The following AHRR variants were observed in gnomAD, a reference collection of about 807,000 sequenced individuals.
The protein encoded by AHRR is ahR repressor.
Under a neutral mutation model 44.0 loss-of-function variants are expected in AHRR, and 28 were observed. That is an observed-to-expected ratio of 0.64 (90% confidence interval 0.47 to 0.87). The LOEUF (loss-of-function observed/expected upper bound fraction) is 0.87, where lower values mean the gene tolerates loss of function less well. AHRR is among the 40% of genes least tolerant of loss of function. The pLI is 0.00. For missense variants in AHRR, 990 were observed against 953.9 expected, an observed-to-expected ratio of 1.04 and a Z score of -0.50; for synonymous variants, 434 against 407.0, an observed-to-expected ratio of 1.07 and a Z score of -0.80.
intron 4 of AHRR, among the ~76,000 whole-genome samples, chr5:398,753 G>A (rs1027069050): frequency 6.6e-6 from 1 of 152,218 alleles, no homozygotes; most frequent in Admixed American, 6.5e-5. Flanking sequence ...CTGTGAGAAG[G>A]GCTGGGCTGG....
intron 8 of AHRR, among the ~76,000 whole-genome samples, chr5:429,576 C>T (rs746426518): frequency 6.6e-6 from 1 of 152,246 alleles, no homozygotes; most frequent in South Asian, 2.1e-4. Context: ...GACTTGTCCT[C>T]GGCCCCTCGG....
chr5:366,990 A>G (rs535555554), intron 3 of AHRR, among the ~76,000 whole-genome samples: 1 of 152,324 alleles, frequency 6.6e-6, no homozygotes, highest in East Asian at 1.9e-4. Context: ...GGCTGAAAGG[A>G]TGTTATTGGG....
intron 4 of AHRR, among the ~76,000 whole-genome samples, chr5:412,880 C>A (rs1370769512): frequency 6.6e-6 from 1 of 152,026 alleles, no homozygotes; most frequent in Non-Finnish European, 1.5e-5. Flanking sequence ...ACCACCACAC[C>A]CGGCTAATTT....
intron 4 of AHRR, among the ~76,000 whole-genome samples, chr5:396,291 C>T (rs1734703062): frequency 2.0e-5 from 3 of 152,172 alleles, no homozygotes; most frequent in African/African-American, 7.2e-5. Flanking sequence ...GTGGGGACAG[C>T]AGGCTGGGAG....
At chr5:431,224 C>T (rs1317650975) in intron 8 of AHRR, among the ~76,000 whole-genome samples, 1 of 152,060 alleles carries the variant, frequency 6.6e-6, no homozygotes, top group African/African-American at 2.4e-5. Context: ...ATCACAAGCT[C>T]AGGTGTGGGG....
intron 3 of AHRR, among the ~76,000 whole-genome samples, chr5:365,843 T>C (rs1743342864): frequency 6.6e-6 from 1 of 152,196 alleles, no homozygotes. Flanking sequence ...CGTAGGACCA[T>C]TAAAGAAATT....
At position 432,619 on chromosome 5, in the gene AHRR, T is replaced by A. The variant is rs1736781720; in HGVS notation, c.970+95T>A. On this transcript the variant is annotated intron_variant, in intron 9 of 10. Transcript: ENST00000684583. ...CCCGCCCAGTGGAGATGTTGGCGTA[T>A]TCCATGGAAAAGCCATTTTGCAGAG... is the stretch of plus-strand genomic sequence containing the variant. 3 of 1,531,708 alleles carry A rather than the reference T, an allele frequency of 2.0e-6. No individual in the cohort carries two copies. The Admixed American group carries it at 5.1e-5, about 26-fold the overall frequency. 94.9% of individuals were successfully genotyped at this position (1,531,708 alleles called of 1,614,324 possible).
rs1192007428 is a variant in AHRR, at chr5:427,993, A to G, written c.895A>G (p.Thr299Ala). The change falls in exon 8 of 11, where the codon ACC (threonine) becomes GCC (alanine). Residue 299 changes from threonine to alanine, a missense_variant. Transcript: ENST00000684583. ...AAAACCCAGAGCAGACACCGCAGCC[A>G]CCGCGGATGCAAAGTGAGTAAGACT... ...RAKPRADTAA[T>A]ADAKVKATTS... is the part of the protein sequence containing the mutation. 1.6e-5 allele frequency: 26 copies of G among 1,613,652 alleles called. No individual in the cohort carries two copies. The highest frequency in any genetic ancestry group is 2.2e-5 in the Non-Finnish European group (26 of 1,179,976).
At chr5:409,596 C>T (rs377742403) in intron 4 of AHRR, among the ~76,000 whole-genome samples, 2 of 152,182 alleles carry the variant, frequency 1.3e-5, no homozygotes, top group East Asian at 1.9e-4. Context: ...GTATGATGGG[C>T]GTTACTCTAT....
intron 8 of AHRR, among the ~76,000 whole-genome samples, chr5:431,337 C>T (rs1429575942): frequency 6.6e-6 from 1 of 152,240 alleles, no homozygotes; most frequent in Non-Finnish European, 1.5e-5. Flanking sequence ...ACAACTTCAG[C>T]TCAACAAACA....
rs1460874632 is a variant in AHRR at position 322,102 on chromosome 5, G to A, written c.-11+283G>A. On this transcript the variant is annotated intron_variant, in intron 1 of 10. Transcript: ENST00000684583. Reference sequence around the variant, plus strand: ...AGAGTGTTCTGAGCCTTCACTCCCCGGGCGTTCCGTGCGGGCCGCGCTCCC... The same window carrying A: ...AGAGTGTTCTGAGCCTTCACTCCCCAGGCGTTCCGTGCGGGCCGCGCTCCC... Among the ~76,000 whole-genome samples the A allele has an allele frequency of 1.2e-4, 18 of 152,054 alleles. No homozygotes were observed. In the East Asian group the frequency reaches 3.3e-3, roughly 28 times the overall value.
chr5:344,082 G>C, intron 2 of AHRR, 118 bp downstream of exon 2: 3 of 1,099,850 alleles, frequency 2.7e-6, no homozygotes, highest in Non-Finnish European at 3.8e-6. Context: ...TTCGGGAGCC[G>C]GGCGGGCCGG....
intron 7 of AHRR, 63 bp downstream of exon 7, chr5:424,040 G>A: frequency 6.4e-7 from 1 of 1,553,170 alleles, no homozygotes; most frequent in African/African-American, 1.4e-5. Flanking sequence ...CCCTGGTGTG[G>A]AAGGAAACAG....
At chr5:433,084 C>A in intron 10 of AHRR, 137 bp downstream of exon 10, 1 of 1,099,560 alleles carries the variant, frequency 9.1e-7, no homozygotes, top group Non-Finnish European at 1.3e-6. Context: ...CGAGCCACAG[C>A]TAACCTTACT....
chr5:433,904 A>G lies in AHRR; in HGVS notation c.1164A>G (p.Thr388=). The G allele has an allele frequency of 4.0e-6, 6 of 1,518,894 alleles. No homozygotes were observed. Among genetic ancestry groups the G allele is most frequent in the Non-Finnish European group, 5.3e-6 (6 of 1,135,182 alleles). 94.1% of individuals were successfully genotyped at this position (1,518,894 alleles called of 1,614,324 possible). Residue 388 remains threonine (T), a synonymous_variant, in exon 11 of 11, where the codon ACA becomes ACG. Transcript: ENST00000684583. Reference sequence around the variant, plus strand: ...TGCTGAGCAGGGCCTCTGGAGTGACAGGGCGGAGGGAGACTCCAGGACCCA... The same window carrying G: ...TGCTGAGCAGGGCCTCTGGAGTGACGGGGCGGAGGGAGACTCCAGGACCCA... The part of the protein sequence containing the change: ...HRMLSRASGV[T]GRRETPGPTK...
intron 1 of AHRR, among the ~76,000 whole-genome samples, chr5:340,234 A>T (rs182057618): frequency 1.3e-5 from 2 of 152,164 alleles, no homozygotes; most frequent in East Asian, 1.9e-4. Context: ...GTTTTGATAG[A>T]TTGTGCCTTT....
At chr5:433,092 ACT>A in intron 10 of AHRR, 145 bp downstream of exon 10, 2 of 1,052,744 alleles carry the variant, frequency 1.9e-6, no homozygotes, top group Non-Finnish European at 2.6e-6. Context: ...AGCTAACCTT[ACT>A]CTCTGTGGAG....
At chr5:394,932 G>A (rs1199388042) in intron 4 of AHRR, among the ~76,000 whole-genome samples, 6 of 152,176 alleles carry the variant, frequency 3.9e-5, no homozygotes, top group Admixed American at 1.3e-4. Flanking sequence ...TGGAGCTGGC[G>A]GTGCGGCCGT....
chr5:367,522 G>C (rs527647501), intron 3 of AHRR, among the ~76,000 whole-genome samples: 1 of 152,358 alleles, frequency 6.6e-6, no homozygotes, highest in Non-Finnish European at 1.5e-5. Flanking sequence ...GGGACCGGAT[G>C]AGCCAGCCTG....
Sources: allele counts gnomAD v4.1 joint callset (sites outside exome capture counted in the v4.1 genomes callset), GRCh38; gene constraint gnomAD v4.1.1; transcripts MANE v1.5; gene names NCBI Gene and HGNC (gene_info 2026-07-23, HGNC 2026-07-21).